RAB44: variants seen among roughly 807,000 people sequenced by gnomAD.
RAB44 encodes ras-related protein Rab-44.
Under a neutral mutation model 93.3 loss-of-function variants are expected in RAB44, and 67 were observed. That is an observed-to-expected ratio of 0.72 (90% confidence interval 0.59 to 0.88). The LOEUF (loss-of-function observed/expected upper bound fraction) is 0.88. Ranked by LOEUF, RAB44 falls within the 40% of genes least tolerant of loss-of-function variation. The pLI is 0.00. For synonymous variants in RAB44, 427 were observed against 520.3 expected (o/e 0.82, Z 2.44); for missense variants, 1,064 against 1,261.7 (o/e 0.84, Z 2.37).
intron 2 of RAB44, among the ~76,000 whole-genome samples, chr6:36,709,102 C>A (rs147506403): frequency 0.023 from 3,490 of 151,946 alleles, 114 homozygotes; most frequent in African/African-American, 0.074. Context: ...CTGCCACCAC[C>A]TCTGGCTATT....
chr6:36,710,714 G>C (rs958031047), intron 2 of RAB44, among the ~76,000 whole-genome samples: 2 of 151,972 alleles, frequency 1.3e-5, no homozygotes, highest in African/African-American at 4.8e-5. Context: ...CGCCTCCTGG[G>C]ATCAAGTGAT....
intron 4 of RAB44, among the ~76,000 whole-genome samples, chr6:36,716,022 C>T (rs1762911829): frequency 6.6e-6 from 1 of 152,190 alleles, no homozygotes; most frequent in Admixed American, 6.5e-5. Flanking sequence ...CATGGGGGTC[C>T]CTGCAGGTGC....
In RAB44 at chr6:36,722,057, G is replaced by T. The variant is rs187138613; in HGVS notation, c.1923G>T (p.Val641=). Residue 641 remains valine (V), a synonymous_variant, in exon 9 of 14, where the codon GTG becomes GTT. Coordinates refer to ENST00000612677, the MANE Select transcript of RAB44 (RefSeq NM_001257357.2). The stretch of plus-strand genomic sequence containing the variant: ...AGCAGGGCCAGGCGGGCCCAGCGGT[G>T]CAGGAGGGCCTTCCTGAGGGGCTAA... ...RLEQGQAGPA[V]QEGLPEGLRE... is the part of the protein sequence containing the mutation. 9 of 1,234,644 alleles carry T rather than the reference G, an allele frequency of 7.3e-6. No individual in the cohort carries two copies. The highest frequency in any genetic ancestry group is 4.2e-5 in the Admixed American group (1 of 23,722). The allele number at this position is 1,234,644 out of a possible 1,614,324, so 76.5% of individuals were successfully genotyped here. A position where few individuals can be genotyped will look rare whatever the true frequency, so the allele number is the denominator to read the frequency against.
intron 12 of RAB44, 102 bp downstream of exon 12, chr6:36,728,903 C>A: frequency 1.0e-6 from 1 of 959,800 alleles, no homozygotes; most frequent in Non-Finnish European, 1.6e-6. Flanking sequence ...CCGAGAAGAA[C>A]CCGTGGCCCA....
chr6:36,727,794 A>G, intron 11 of RAB44, 103 bp downstream of exon 11: 1 of 800,632 alleles, frequency 1.2e-6, no homozygotes, highest in South Asian at 1.5e-5. Flanking sequence ...ATGACATGAC[A>G]GACATATGGG....
At chr6:36,715,201 T>C (rs1417836693) in intron 3 of RAB44, among the ~76,000 whole-genome samples, 2 of 152,132 alleles carry the variant, frequency 1.3e-5, no homozygotes, top group African/African-American at 2.4e-5. Context: ...TACATATCCA[T>C]TGATTGAGTG....
At chr6:36,710,453 A>G (rs1762756022) in intron 2 of RAB44, among the ~76,000 whole-genome samples, 1 of 152,192 alleles carries the variant, frequency 6.6e-6, no homozygotes, top group Non-Finnish European at 1.5e-5. Context: ...TCTGTCAGTG[A>G]ACACTTGGGT....
At position 36,706,752 on chromosome 6, in the gene RAB44, G is replaced by A. The variant is rs1401847735; in HGVS notation, c.207+2310G>A. On this transcript the variant is annotated intron_variant, in intron 2 of 13. Coordinates refer to ENST00000612677, the MANE Select transcript of RAB44 (RefSeq NM_001257357.2). ...GTAATTTTTTTTTTTTTTGAGACAG[G>A]GTCTTGCTCTTTCACCTAGGCTGGA... 2.6e-5 allele frequency among the ~76,000 whole-genome samples: 4 copies of A among 151,382 alleles called. No individual in the cohort carries two copies. In the East Asian group the frequency reaches 7.7e-4, roughly 29 times the overall value.
Position 36,721,535 on chromosome 6 carries a change from C to G in RAB44, c.1401C>G (p.Asp467Glu). 1 of 1,234,598 alleles carries G rather than the reference C, an allele frequency of 8.1e-7. No homozygotes were observed. The highest frequency in any genetic ancestry group is 2.1e-4 in the Middle Eastern group (1 of 4,844). 76.5% of individuals were successfully genotyped at this position (1,234,598 alleles called of 1,614,324 possible). A position where few individuals can be genotyped will look rare whatever the true frequency, so the allele number is the denominator to read the frequency against. Reference protein sequence around the residue: ...AEQPVEPHDPDPNQEPGSTPE... With the variant: ...AEQPVEPHDPEPNQEPGSTPE... ...AGCCTGTTGAACCGCACGACCCGGA[C>G]CCCAACCAGGAGCCAGGGTCCACAC... The change falls in exon 9 of 14, where the codon GAC becomes GAG. Residue 467 changes from aspartate to glutamate, a missense_variant. Asp to Glu is a conservative substitution (Grantham distance 45). Coordinates refer to ENST00000612677, the MANE Select transcript of RAB44 (RefSeq NM_001257357.2).
intron 2 of RAB44, among the ~76,000 whole-genome samples, chr6:36,705,087 C>A (rs1317103452): frequency 1.4e-5 from 2 of 147,636 alleles, no homozygotes; most frequent in African/African-American, 2.6e-5. Context: ...CACCACTACA[C>A]TCCAGCCTGG....
At position 36,721,338 on chromosome 6, in the gene RAB44, C is replaced by T. The variant is rs1763073672; in HGVS notation, c.1204C>T (p.Gln402Ter). 2 of 1,234,174 alleles carry T rather than the reference C, an allele frequency of 1.6e-6. No homozygotes were observed. The highest frequency in any genetic ancestry group is 4.2e-5 in the Admixed American group (1 of 23,704). 76.5% of individuals were successfully genotyped at this position (1,234,174 alleles called of 1,614,324 possible). Residue 402 changes from glutamine to a stop codon, truncating the protein, a stop_gained, in exon 9 of 14, where the codon CAG becomes TAG. Transcript: ENST00000612677. LOFTEE classifies it high-confidence loss of function. The part of the protein sequence containing the change: ...PPTPRATSGP[Q>*]TPRVVRQISI... ...GACCCCAAGAGCCACCTCAGGCCCC[C>T]AGACACCCCGTGTGGTCAGGCAGAT...
At chr6:36,698,331 C>G (rs1408613808) in intron 1 of RAB44, among the ~76,000 whole-genome samples, 2 of 152,168 alleles carry the variant, frequency 1.3e-5, no homozygotes, top group Non-Finnish European at 2.9e-5. Context: ...CAGTTCTGAG[C>G]GCCCTTTGGT....
intron 2 of RAB44, among the ~76,000 whole-genome samples, chr6:36,707,052 G>A (rs1762666835): frequency 6.6e-6 from 1 of 152,134 alleles, no homozygotes; most frequent in Admixed American, 6.5e-5. Flanking sequence ...GGGCATGGTG[G>A]CTCACGCCTG....
intron 9 of RAB44, among the ~76,000 whole-genome samples, chr6:36,725,650 T>C (rs1244645133): frequency 6.6e-6 from 1 of 152,230 alleles, no homozygotes; most frequent in Admixed American, 6.5e-5. Flanking sequence ...TGCCCTGTGT[T>C]GGCACAACTT....
intron 2 of RAB44, among the ~76,000 whole-genome samples, chr6:36,706,570 T>C (rs1019395567): frequency 1.3e-5 from 2 of 152,292 alleles, no homozygotes; most frequent in South Asian, 2.1e-4. Flanking sequence ...TTGTCACACC[T>C]GATTAAATGA....
intron 9 of RAB44, 44 bp downstream of exon 9, chr6:36,722,777 G>A: frequency 6.5e-7 from 1 of 1,547,758 alleles, no homozygotes; most frequent in Non-Finnish European, 8.7e-7. Flanking sequence ...GAGAGACGCA[G>A]GGGCCAGGGC....
intron 2 of RAB44, among the ~76,000 whole-genome samples, chr6:36,708,176 C>T (rs1230114628): frequency 6.6e-6 from 1 of 151,206 alleles, no homozygotes; most frequent in Non-Finnish European, 1.5e-5. Context: ...CACGCCACTG[C>T]ACACCAGCCT....
chr6:36,723,546 G>T (rs1446874347), intron 9 of RAB44, among the ~76,000 whole-genome samples: 2 of 152,042 alleles, frequency 1.3e-5, no homozygotes, highest in African/African-American at 4.8e-5. Context: ...CTACAGAAAA[G>T]CAAACCCAGC....
chr6:36,719,066 C>A (rs1763003182), intron 7 of RAB44, among the ~76,000 whole-genome samples: 1 of 152,134 alleles, frequency 6.6e-6, no homozygotes, highest in Admixed American at 6.5e-5. Flanking sequence ...ACTACAGGCG[C>A]CCATCACTGC....
Sources: allele counts gnomAD v4.1 joint callset (sites outside exome capture counted in the v4.1 genomes callset), GRCh38; gene constraint gnomAD v4.1.1; transcripts MANE v1.5; gene names NCBI Gene and HGNC (gene_info 2026-07-23, HGNC 2026-07-21).